Variants in VPS13D observed in about 807,000 individuals in gnomAD.
VPS13D encodes the protein vacuolar protein sorting 13 homolog D.
VPS13D carries 187 observed loss-of-function variants against 461.9 expected under a neutral mutation model. That is an observed-to-expected ratio of 0.40 (90% CI 0.36 to 0.46). The LOEUF (loss-of-function observed/expected upper bound fraction) is 0.46, where lower values mean the gene tolerates loss of function less well. Ranked by LOEUF, VPS13D falls within the 20% of genes least tolerant of loss-of-function variation. VPS13D has a pLI of 0.60. For missense variants in VPS13D, 4,711 were observed against 5,364.9 expected (o/e 0.88, Z 3.81); for synonymous variants, 1,951 against 1,986.3 (o/e 0.98, Z 0.47).
chr1:12,357,170 G>A (rs912536976), intron 49 of VPS13D, among the ~76,000 whole-genome samples: 2 of 152,214 alleles, frequency 1.3e-5, no homozygotes, highest in African/African-American at 2.4e-5. Context: ...AGATAAATGG[G>A]TGTATCCAAT....
At chr1:12,349,096 C>T in intron 45 of VPS13D, 68 bp from the exon 46 acceptor site, 3 of 1,611,034 alleles carry the variant, frequency 1.9e-6, no homozygotes, top group South Asian at 1.1e-5. Context: ...CTTCTTTTGT[C>T]CTGAGATGGT....
At chr1:12,404,070 CTT>C (rs575397720) in intron 63 of VPS13D, 97 bp downstream of exon 63, 34 of 876,880 alleles carry the variant, frequency 3.9e-5, no homozygotes, top group Admixed American at 8.8e-5. Flanking sequence ...TGTGTGTGTG[CTT>C]TTTTTTTTGT....
intron 66 of VPS13D, among the ~76,000 whole-genome samples, chr1:12,458,965 G>A (rs1421747466): frequency 2.0e-5 from 3 of 152,220 alleles, no homozygotes; most frequent in Non-Finnish European, 4.4e-5. Flanking sequence ...AGCTTTCACA[G>A]CTTTTTGGGG....
At position 12,326,631 on chromosome 1, in the gene VPS13D, G is replaced by A. The variant is rs368013005; in HGVS notation, c.7991-1017G>A. Among the ~76,000 whole-genome samples, 40 of 151,402 alleles carry A rather than the reference G, an allele frequency of 2.6e-4. 3 individuals are homozygous for A. The highest frequency in any genetic ancestry group is 2.1e-3 in the Admixed American group (32 of 15,108). ...CTTATAAGCATTAGCCACTGTGCTC[G>A]GCCTCTGTTTGGTAATTTTTTTTTT... On this transcript the variant is annotated intron_variant, in intron 35 of 69. Coordinates refer to ENST00000620676, the MANE Select transcript of VPS13D (RefSeq NM_015378.4).
At chr1:12,261,314 CTG>C (rs1641101343) in intron 12 of VPS13D, among the ~76,000 whole-genome samples, 165 bp downstream of exon 12, 1 of 152,230 alleles carries the variant, frequency 6.6e-6, no homozygotes, top group South Asian at 2.1e-4. Flanking sequence ...ATTTGTAACT[CTG>C]TGACTAAATG....
intron 67 of VPS13D, among the ~76,000 whole-genome samples, chr1:12,468,086 G>A (rs2100440894): frequency 6.6e-6 from 1 of 152,272 alleles, no homozygotes; most frequent in South Asian, 2.1e-4. Context: ...ATGAAATAAT[G>A]TTGCCATTAT....
chr1:12,407,725 G>C (rs1412104643), intron 63 of VPS13D, among the ~76,000 whole-genome samples: 2 of 152,146 alleles, frequency 1.3e-5, no homozygotes, highest in African/African-American at 4.8e-5. Flanking sequence ...TTAAGGGCCA[G>C]AATATTTCCT....
At chr1:12,256,561 A>G in intron 8 of VPS13D, 58 bp downstream of exon 8, 2 of 1,578,286 alleles carry the variant, frequency 1.3e-6, no homozygotes, top group Non-Finnish European at 8.7e-7. Context: ...CTGCAGTGAA[A>G]GTCTTGATAT....
rs1037614916 is a variant in VPS13D, at chr1:12,238,502, CT to C, written c.98-4002del. On this transcript the variant is annotated intron_variant, in intron 2 of 69. Coordinates refer to ENST00000620676, the MANE Select transcript of VPS13D (RefSeq NM_015378.4). ...AAAGCAAATTGCTTGTTCTCTAAGC[CT>C]TTTTTTTTCCTCCACCTCAAAAATT... Among the ~76,000 whole-genome samples the C allele has an allele frequency of 2.9e-4, 43 of 150,468 alleles. No individual in the cohort carries two copies. In the East Asian group the frequency reaches 6.0e-3, roughly 21 times the overall value.
At chr1:12,252,564 G>C (rs2101243450) in intron 6 of VPS13D, among the ~76,000 whole-genome samples, 1 of 152,158 alleles carries the variant, frequency 6.6e-6, no homozygotes, top group Non-Finnish European at 1.5e-5. Flanking sequence ...CTGAGTTCAG[G>C]AGTTCAAGAC....
intron 49 of VPS13D, among the ~76,000 whole-genome samples, chr1:12,357,161 G>T (rs1643892825): frequency 6.6e-6 from 1 of 152,210 alleles, no homozygotes. Context: ...TCTAATCAAA[G>T]ATAAATGGGT....
rs949492995 is a variant in VPS13D at position 12,509,343 on chromosome 1, T to A, written c.*319T>A. ...CATGTATATATGTACAACAGTGTGT[T>A]TGTAAATATATAGGAACGTTTCTGA... On this transcript the variant is annotated 3_prime_UTR_variant, in exon 70 of 70. Coordinates refer to ENST00000620676, the MANE Select transcript of VPS13D (RefSeq NM_015378.4). The A allele has an allele frequency of 1.7e-5, 4 of 235,238 alleles. No homozygotes were observed. The highest frequency in any genetic ancestry group is 2.5e-5 in the Non-Finnish European group (3 of 121,794). The allele number at this position is 235,238 out of a possible 1,614,324, so 14.6% of individuals were successfully genotyped here. A position where few individuals can be genotyped will look rare whatever the true frequency, so the allele number is the denominator to read the frequency against.
chr1:12,381,881 G>A (rs1200273633), intron 57 of VPS13D, among the ~76,000 whole-genome samples: 1 of 151,956 alleles, frequency 6.6e-6, no homozygotes, highest in Non-Finnish European at 1.5e-5. Context: ...TAATTCGGCT[G>A]AAGTCAGTCA....
intron 60 of VPS13D, among the ~76,000 whole-genome samples, chr1:12,391,623 TG>T (rs1421584409): frequency 1.3e-5 from 2 of 152,202 alleles, no homozygotes; most frequent in African/African-American, 4.8e-5. Context: ...ATATATTTTT[TG>T]GTAGAGATGG....
chr1:12,318,605 CT>C (rs990006465), intron 31 of VPS13D, among the ~76,000 whole-genome samples: 3 of 151,482 alleles, frequency 2.0e-5, no homozygotes, highest in East Asian at 1.9e-4. Context: ...GGGCAGTGGT[CT>C]TTTTTTTTCC....
At chr1:12,459,924 T>A (rs1349018676) in intron 66 of VPS13D, among the ~76,000 whole-genome samples, 3 of 151,710 alleles carry the variant, frequency 2.0e-5, no homozygotes, top group Non-Finnish European at 4.4e-5. Context: ...AATTGGCCAC[T>A]GTTAACCTCT....
At chr1:12,271,953 A>T (rs1271340740) in intron 17 of VPS13D, among the ~76,000 whole-genome samples, 1 of 151,648 alleles carries the variant, frequency 6.6e-6, no homozygotes, top group East Asian at 2.0e-4. Context: ...GCACTGGGGG[A>T]AGCGGAGGTG....
intron 65 of VPS13D, among the ~76,000 whole-genome samples, chr1:12,417,126 A>T (rs922693414): frequency 6.6e-6 from 1 of 152,070 alleles, no homozygotes; most frequent in Non-Finnish European, 1.5e-5. Flanking sequence ...GATGACCCCT[A>T]CACCTTTCAC....
At chr1:12,462,272 A>G (rs1331847989) in intron 67 of VPS13D, among the ~76,000 whole-genome samples, 2 of 152,196 alleles carry the variant, frequency 1.3e-5, no homozygotes, top group Non-Finnish European at 2.9e-5. Flanking sequence ...TGGCTAACCT[A>G]GTGATCAGGG....
Sources: gnomAD v4.1 joint callset for allele counts (sites outside exome capture counted in the v4.1 genomes callset) on GRCh38, gnomAD v4.1.1 for gene constraint, MANE v1.5 for transcripts, NCBI Gene and HGNC (gene_info 2026-07-23, HGNC 2026-07-21) for gene names.